The following C2orf15 variants were observed in gnomAD, a reference collection of about 807,000 sequenced individuals.
C2orf15 encodes the protein chromosome 2 open reading frame 15.
Under a neutral mutation model 4.4 loss-of-function variants are expected in C2orf15, and 3 were observed. The ratio of observed to expected loss-of-function variants is 0.67; its 90% CI spans 0.31 to 1.74. The LOEUF (loss-of-function observed/expected upper bound fraction) is 1.74, where lower values mean the gene tolerates loss of function less well. C2orf15 is among the 40% of genes most tolerant of loss of function. C2orf15 has a pLI of 0.09. For synonymous variants in C2orf15, 37 were observed against 36.8 expected (o/e 1.00, Z -0.02); for missense variants, 90 against 103.3 (o/e 0.87, Z 0.56).
chr2:99,148,953 AT>A (rs1176194670), intron 3 of C2orf15, among the ~76,000 whole-genome samples: 1 of 152,048 alleles, frequency 6.6e-6, no homozygotes, highest in African/African-American at 2.4e-5. Flanking sequence ...TGTTATATAT[AT>A]TTTACCACAA....
At chr2:99,150,382 A>T (rs547833876) in intron 3 of C2orf15, 101 bp from the exon 4 acceptor site, 2 of 645,462 alleles carry the variant, frequency 3.1e-6, no homozygotes, top group South Asian at 4.7e-5. Flanking sequence ...ATTTTACTTT[A>T]TATTTCTAGT....
At chr2:99,148,983 GA>G (rs910240951) in intron 3 of C2orf15, among the ~76,000 whole-genome samples, 12 of 151,282 alleles carry the variant, frequency 7.9e-5, no homozygotes, top group South Asian at 2.1e-4. Context: ...ATATAGACTG[GA>G]AAAAAAATAA....
At position 99,150,838 on chromosome 2, in the gene C2orf15, A is replaced by T; in HGVS notation, c.*4A>T. On this transcript the variant is annotated 3_prime_UTR_variant, in exon 4 of 4. Coordinates refer to ENST00000650052, the MANE Select transcript of C2orf15 (RefSeq NM_144706.4). ...AGAAATGACAGATGTGGAATGAAGC[A>T]ATTTGTACGTATTACCAAAGAAACC... is the stretch of plus-strand genomic sequence containing the variant. 3.2e-6 allele frequency: 5 copies of T among 1,565,210 alleles called. No homozygotes were observed. The highest frequency in any genetic ancestry group is 4.3e-6 in the Non-Finnish European group (5 of 1,157,808).
chr2:99,150,282 A>T (rs2093679698), intron 3 of C2orf15, among the ~76,000 whole-genome samples: 1 of 152,350 alleles, frequency 6.6e-6, no homozygotes, highest in East Asian at 1.9e-4. Context: ...ACAATCAGAT[A>T]AATTTCCTTT....
rs1326903677 is a variant in C2orf15 at position 99,147,504 on chromosome 2, C to T, written c.-77+11C>T. ...TCTGGGGAAGTTAAGGTAAGACTCA[C>T]AGGGCCAAGTCTACCCTATTATACT... On this transcript the variant is annotated intron_variant, in intron 3 of 3. Coordinates refer to ENST00000650052, the MANE Select transcript of C2orf15 (RefSeq NM_144706.4). 1 of 1,613,406 alleles carries T rather than the reference C, an allele frequency of 6.2e-7. No individual in the cohort carries two copies. The highest frequency in any genetic ancestry group is 8.5e-7 in the Non-Finnish European group (1 of 1,179,424).
Position 99,144,640 on chromosome 2 carries a change from ACT to A in C2orf15, c.-169+2242_-169+2243del, listed in dbSNP as rs2093613141. On this transcript the variant is annotated intron_variant, in intron 2 of 3. Coordinates refer to ENST00000650052, the MANE Select transcript of C2orf15 (RefSeq NM_144706.4). ...CTCCAGCCTGGGGGACAAGAACAAA[ACT>A]CTGTCTCAAAAAAAAAAAAAAAAAA... Among the ~76,000 whole-genome samples, 3 of 102,830 alleles carry A rather than the reference ACT, an allele frequency of 2.9e-5. No homozygotes were observed. The Admixed American group carries it at 3.4e-4, about 12-fold the overall frequency. 67.5% of individuals were successfully genotyped at this position (102,830 alleles called of 152,430 possible). A position where few individuals can be genotyped will look rare whatever the true frequency, so the allele number is the denominator to read the frequency against.
chr2:99,150,704 T>C lies in C2orf15; in HGVS notation c.146T>C (p.Leu49Ser). 1 of 1,614,012 alleles carries C rather than the reference T, an allele frequency of 6.2e-7. No homozygotes were observed. Among genetic ancestry groups the C allele is most frequent in the South Asian group, 1.1e-5 (1 of 91,076 alleles). The change falls in exon 4 of 4, where the codon TTA (leucine) becomes TCA (serine). Residue 49 changes from leucine (L) to serine (S), a missense_variant. Leu to Ser is a moderately radical substitution (Grantham distance 145). Coordinates refer to ENST00000650052, the MANE Select transcript of C2orf15 (RefSeq NM_144706.4). Reference protein sequence around the residue: ...QLFQNTKKIRLEDTNQENFTR... With the variant: ...QLFQNTKKIRSEDTNQENFTR... ...TTTCAAAACACCAAGAAAATAAGAT[T>C]AGAAGACACAAATCAAGAAAACTTT...
chr2:99,144,324 G>A (rs1053401649), intron 2 of C2orf15, among the ~76,000 whole-genome samples: 4 of 151,828 alleles, frequency 2.6e-5, no homozygotes, highest in African/African-American at 9.7e-5. Flanking sequence ...CCCGGCCTGT[G>A]TTCCGTTTTT....
At chr2:99,146,411 A>G (rs1156320746) in intron 2 of C2orf15, among the ~76,000 whole-genome samples, 2 of 152,162 alleles carry the variant, frequency 1.3e-5, no homozygotes, top group Non-Finnish European at 2.9e-5. Context: ...CACAGAAAAT[A>G]TCTCCTTCCA....
At chr2:99,144,980 A>G (rs1286032344) in intron 2 of C2orf15, among the ~76,000 whole-genome samples, 8 of 152,196 alleles carry the variant, frequency 5.3e-5, no homozygotes, top group Admixed American at 5.2e-4. Context: ...ACAATTTACC[A>G]CACACTTGGT....
chr2:99,151,235 G>T lies in C2orf15; in HGVS notation c.*401G>T. ...CCAGCACTTTGGGAGGCCAAGGCGG[G>T]TCAATCACCTGAGGTCAGGAGTTCG... is the stretch of plus-strand genomic sequence containing the variant. On this transcript the variant is annotated 3_prime_UTR_variant, in exon 4 of 4. Coordinates refer to ENST00000650052, the MANE Select transcript of C2orf15 (RefSeq NM_144706.4). 6.4e-6 allele frequency: 1 copy of T among 155,274 alleles called. No homozygotes were observed. The highest frequency in any genetic ancestry group is 1.4e-5 in the Non-Finnish European group (1 of 70,198). The allele number at this position is 155,274 out of a possible 1,614,324, so 9.6% of individuals were successfully genotyped here. A position where few individuals can be genotyped will look rare whatever the true frequency, so the allele number is the denominator to read the frequency against.
At chr2:99,150,391 G>A in intron 3 of C2orf15, 92 bp from the exon 4 acceptor site, 1 of 685,302 alleles carries the variant, frequency 1.5e-6, no homozygotes. Flanking sequence ...TATATTTCTA[G>A]TATCACCACA....
rs1037986782 is a variant in C2orf15 at position 99,143,643 on chromosome 2, G to C, written c.-169+1242G>C. ...GTGCCACCATGCCCAGCTAATTTTT[G>C]TATGTTTTTGTAGAGATGCGGTTTC... On this transcript the variant is annotated intron_variant, in intron 2 of 3. Coordinates refer to ENST00000650052, the MANE Select transcript of C2orf15 (RefSeq NM_144706.4). 2.0e-5 allele frequency among the ~76,000 whole-genome samples: 3 copies of C among 151,350 alleles called. No individual in the cohort carries two copies. In the East Asian group the frequency reaches 5.9e-4, roughly 30 times the overall value.
rs1024093171 is a variant in C2orf15 at position 99,149,879 on chromosome 2, G to A, written c.-76-604G>A. On this transcript the variant is annotated intron_variant, in intron 3 of 3. Coordinates refer to ENST00000650052, the MANE Select transcript of C2orf15 (RefSeq NM_144706.4). Reference sequence around the variant, plus strand: ...GCAATATTGGCTCACTGCAACCTCCGTCTTCCAGGTTCAAGCTATTCTCTT... The same window carrying A: ...GCAATATTGGCTCACTGCAACCTCCATCTTCCAGGTTCAAGCTATTCTCTT... 2.1e-5 allele frequency among the ~76,000 whole-genome samples: 3 copies of A among 143,784 alleles called. 1 individual carries two copies. Among genetic ancestry groups the A allele is most frequent in the South Asian group, 4.3e-4 (2 of 4,658 alleles). 94.3% of individuals were successfully genotyped at this position (143,784 alleles called of 152,430 possible).
At position 99,150,926 on chromosome 2, in the gene C2orf15, C is replaced by G. The variant is rs2093687786; in HGVS notation, c.*92C>G. On this transcript the variant is annotated 3_prime_UTR_variant, in exon 4 of 4. Transcript: ENST00000650052. ...ACTTAACCTTATTAGGAAACCCTGA[C>G]AAAATGATGGAAGACTATTGCCTTA... 2.6e-6 allele frequency: 2 copies of G among 770,276 alleles called. No homozygotes were observed. Among genetic ancestry groups the G allele is most frequent in the Non-Finnish European group, 4.3e-6 (2 of 470,390 alleles). The allele number at this position is 770,276 out of a possible 1,614,324, so 47.7% of individuals were successfully genotyped here. A position where few individuals can be genotyped will look rare whatever the true frequency, so the allele number is the denominator to read the frequency against.
chr2:99,150,980 C>CCTG lies in C2orf15; in HGVS notation c.*146_*147insCTG. 1.9e-6 allele frequency: 1 copy of CCTG among 538,884 alleles called. No homozygotes were observed. Among genetic ancestry groups the CCTG allele is most frequent in the East Asian group, 3.0e-5 (1 of 32,994 alleles). The allele number at this position is 538,884 out of a possible 1,614,324, so 33.4% of individuals were successfully genotyped here. Reference sequence around the variant, plus strand: ...TGCACTATTTGTGAATCATCTTACACTGCATTTTTTTATGATGCTTATTCA... The same window carrying CCTG: ...TGCACTATTTGTGAATCATCTTACACCTGTGCATTTTTTTATGATGCTTATTCA... On this transcript the variant is annotated 3_prime_UTR_variant, in exon 4 of 4. Coordinates refer to ENST00000650052, the MANE Select transcript of C2orf15 (RefSeq NM_144706.4).
In C2orf15 at chr2:99,151,463, C is replaced by CAAAAAA. The variant is rs55966864; in HGVS notation, c.*648_*653dup. The CAAAAAA allele has an allele frequency of 4.0e-5, 3 of 75,342 alleles. No individual in the cohort carries two copies. Among genetic ancestry groups the CAAAAAA allele is most frequent in the Non-Finnish European group, 7.5e-5 (3 of 40,074 alleles). The allele number at this position is 75,342 out of a possible 1,614,324, so 4.7% of individuals were successfully genotyped here. A position where few individuals can be genotyped will look rare whatever the true frequency, so the allele number is the denominator to read the frequency against. Reference sequence around the variant, plus strand: ...GGGCAACAAGAGCAAAACTCCGTCTCAAAAAAAAAAAAAAAAAAAAAAAAG... The same window carrying CAAAAAA: ...GGGCAACAAGAGCAAAACTCCGTCTCAAAAAAAAAAAAAAAAAAAAAAAAAAAAAAG... On this transcript the variant is annotated 3_prime_UTR_variant, in exon 4 of 4. Transcript: ENST00000650052.
At chr2:99,142,560 A>G (rs1197202664) in intron 2 of C2orf15, among the ~76,000 whole-genome samples, 159 bp downstream of exon 2, 2 of 152,182 alleles carry the variant, frequency 1.3e-5, no homozygotes, top group Non-Finnish European at 2.9e-5. Context: ...TGTCGCATTT[A>G]TTTTCAGATA....
At chr2:99,149,098 C>T (rs1169373277) in intron 3 of C2orf15, among the ~76,000 whole-genome samples, 1 of 148,070 alleles carries the variant, frequency 6.8e-6, no homozygotes, top group Non-Finnish European at 1.5e-5. Flanking sequence ...TTTAACCTGC[C>T]GGGTGGAGGT....
Sources: gnomAD v4.1 joint callset for allele counts (sites outside exome capture counted in the v4.1 genomes callset) on GRCh38, gnomAD v4.1.1 for gene constraint, MANE v1.5 for transcripts, NCBI Gene and HGNC (gene_info 2026-07-23, HGNC 2026-07-21) for gene names.